TAOK1: variants seen among roughly 807,000 people sequenced by gnomAD.
TAOK1 encodes the protein serine/threonine-protein kinase TAO1.
A neutral mutation model predicts 138.3 loss-of-function variants in TAOK1; 21 were observed. That is an observed-to-expected ratio of 0.15 (90% CI 0.11 to 0.22). The LOEUF is 0.22. TAOK1 is among the 10% of genes least tolerant of loss of function. The pLI, the probability that TAOK1 is intolerant of heterozygous loss-of-function variation, is 1.00. For missense variants in TAOK1, 651 were observed against 1,227.7 expected (o/e 0.53, Z 7.02); for synonymous variants, 361 against 398.4 (o/e 0.91, Z 1.12).
chr17:29,438,226 T>C (rs1168515144), intron 1 of TAOK1, among the ~76,000 whole-genome samples: 1 of 152,238 alleles, frequency 6.6e-6, no homozygotes, highest in African/African-American at 2.4e-5. Flanking sequence ...GTTCCAATAT[T>C]ACTATTTGAA....
intron 10 of TAOK1, 80 bp from the exon 11 acceptor site, chr17:29,495,480 T>C: frequency 8.3e-7 from 1 of 1,198,848 alleles, no homozygotes. Context: ...TATCATAGGA[T>C]ATTATCTCTA....
intron 8 of TAOK1, among the ~76,000 whole-genome samples, chr17:29,486,205 C>T (rs940102528): frequency 6.6e-6 from 1 of 152,168 alleles, no homozygotes; most frequent in Non-Finnish European, 1.5e-5. Flanking sequence ...GAGAGGATCA[C>T]TTGAGCCCAG....
intron 2 of TAOK1, among the ~76,000 whole-genome samples, chr17:29,462,204 T>TA (rs2153025184): frequency 1.3e-5 from 2 of 152,310 alleles, no homozygotes; most frequent in African/African-American, 4.8e-5. Flanking sequence ...AATTAAAAAA[T>TA]ACTCAAATTG....
chr17:29,410,635 G>GTTTTTTTT (rs1207404073), intron 1 of TAOK1, among the ~76,000 whole-genome samples: 5 of 136,892 alleles, frequency 3.7e-5, no homozygotes, highest in Non-Finnish European at 6.3e-5. Flanking sequence ...TTTTTTTTTG[G>GTTTTTTTT]TTTTTTTTTT....
At position 29,549,921 on chromosome 17, in the gene TAOK1, A is replaced by C. The variant is rs2150783259; in HGVS notation, c.*6899A>C. On this transcript the variant is annotated 3_prime_UTR_variant, in exon 20 of 20. Transcript: ENST00000261716. The stretch of plus-strand genomic sequence containing the variant: ...TAAATGGGAATTGTGCCTACTTAGG[A>C]GTGCCCCTCCAATTAATTACATGTG... 6.6e-6 allele frequency: 1 copy of C among 152,232 alleles called. No individual in the cohort carries two copies. The highest frequency in any genetic ancestry group is 1.5e-5 in the Non-Finnish European group (1 of 68,002). 9.4% of individuals were successfully genotyped at this position (152,232 alleles called of 1,614,324 possible). A position where few individuals can be genotyped will look rare whatever the true frequency, so the allele number is the denominator to read the frequency against.
rs548989214 is a variant in TAOK1, at chr17:29,454,332, G to A, written c.132+2652G>A. 2.0e-5 allele frequency among the ~76,000 whole-genome samples: 3 copies of A among 152,224 alleles called. No homozygotes were observed. The South Asian group carries it at 6.2e-4, about 32-fold the overall frequency. On this transcript the variant is annotated intron_variant, in intron 2 of 19. Coordinates refer to ENST00000261716, the MANE Select transcript of TAOK1 (RefSeq NM_020791.4). Reference sequence around the variant, plus strand: ...TTTGATGACTGTAGCTTTGTGGTAAGTTTGAGATCAAGAGGTTTTATTCCT... The same window carrying A: ...TTTGATGACTGTAGCTTTGTGGTAAATTTGAGATCAAGAGGTTTTATTCCT...
intron 10 of TAOK1, 52 bp downstream of exon 10, chr17:29,491,917 CT>C: frequency 7.2e-7 from 1 of 1,393,560 alleles, no homozygotes; most frequent in Non-Finnish European, 1.0e-6. Context: ...CAAGGCCTCA[CT>C]TTGTCACCCA....
intron 14 of TAOK1, among the ~76,000 whole-genome samples, chr17:29,509,948 C>G (rs571878672): frequency 6.6e-6 from 1 of 150,676 alleles, no homozygotes; most frequent in South Asian, 2.2e-4. Context: ...AACTCCTGGG[C>G]TCAGGTGATC....
chr17:29,451,804 AAGAG>A, intron 2 of TAOK1, 124 bp downstream of exon 2: 2 of 1,174,882 alleles, frequency 1.7e-6, no homozygotes, highest in South Asian at 1.8e-5. Context: ...GCATAGGGGG[AAGAG>A]AGAGAGCGCG....
At chr17:29,530,288 C>T (rs1412748445) in intron 17 of TAOK1, 119 bp from the exon 18 acceptor site, 6 of 842,248 alleles carry the variant, frequency 7.1e-6, no homozygotes, top group Admixed American at 2.7e-5. Flanking sequence ...GATGATCTGA[C>T]CTGCTTGGCT....
At chr17:29,427,428 T>G (rs1289530437) in intron 1 of TAOK1, among the ~76,000 whole-genome samples, 2 of 147,764 alleles carry the variant, frequency 1.4e-5, no homozygotes, top group Non-Finnish European at 3.0e-5. Flanking sequence ...AACCCTGTCT[T>G]TACCAAAAAA....
rs2032407593 is a variant in TAOK1, at chr17:29,546,631, A to G, written c.*3609A>G. On this transcript the variant is annotated 3_prime_UTR_variant, in exon 20 of 20. Transcript: ENST00000261716. ...TAGTGGAAATAAATTGTATTATACC[A>G]TGATCTACTGGCTTTTTAAAACTGT... 1 of 152,126 alleles carries G rather than the reference A, an allele frequency of 6.6e-6. No homozygotes were observed. Among genetic ancestry groups the G allele is most frequent in the African/African-American group, 2.4e-5 (1 of 41,444 alleles). 9.4% of individuals were successfully genotyped at this position (152,126 alleles called of 1,614,324 possible). A position where few individuals can be genotyped will look rare whatever the true frequency, so the allele number is the denominator to read the frequency against.
At chr17:29,513,453 T>C (rs1256118541) in intron 15 of TAOK1, 1 of 152,256 alleles carries the variant, frequency 6.6e-6, no homozygotes, top group African/African-American at 2.4e-5. Context: ...AATCAGACTT[T>C]AGCTTTATGG....
chr17:29,511,298 C>T (rs1410939322), intron 15 of TAOK1: 3 of 154,254 alleles, frequency 1.9e-5, no homozygotes, highest in East Asian at 3.7e-4. Flanking sequence ...CAGTGGCGCG[C>T]TCTCGGCTCA....
At chr17:29,431,383 A>C (rs1905823095) in intron 1 of TAOK1, among the ~76,000 whole-genome samples, 1 of 152,096 alleles carries the variant, frequency 6.6e-6, no homozygotes, top group Non-Finnish European at 1.5e-5. Context: ...TCAAGGCTGC[A>C]GTGAGCTGTG....
chr17:29,447,995 C>T (rs1598485076), intron 1 of TAOK1, among the ~76,000 whole-genome samples: 2 of 129,142 alleles, frequency 1.5e-5, no homozygotes, highest in African/African-American at 5.8e-5. Context: ...TACAGATGTA[C>T]TTCCTGCTTT....
chr17:29,532,346 T>TTG (rs1332394495), intron 18 of TAOK1, among the ~76,000 whole-genome samples: 13 of 128,906 alleles, frequency 1.0e-4, no homozygotes, highest in Non-Finnish European at 2.2e-4. Context: ...TCTTTTTTGT[T>TTG]TGTTTGTGGT....
rs2031712069 is a variant in TAOK1 at position 29,511,092 on chromosome 17, T to C, written c.1704+100T>C. The C allele has an allele frequency of 6.8e-6, 8 of 1,183,930 alleles. No homozygotes were observed. The African/African-American group carries it at 9.3e-5, about 14-fold the overall frequency. 73.3% of individuals were successfully genotyped at this position (1,183,930 alleles called of 1,614,324 possible). On this transcript the variant is annotated intron_variant, in intron 15 of 19. Transcript: ENST00000261716. The stretch of plus-strand genomic sequence containing the variant: ...GCATTAGGATAAAATTATCTTTTGT[T>C]GTTTATGGTCACTAAATGGGTATTA...
intron 1 of TAOK1, among the ~76,000 whole-genome samples, chr17:29,395,824 A>ATTTTTTTTTTTTTTTTTTT (rs1187461666): frequency 4.2e-5 from 3 of 72,106 alleles, no homozygotes; most frequent in African/African-American, 1.9e-4. Flanking sequence ...CGTCTGGCTA[A>ATTTTTTTTTTTTTTTTTTT]TTTTTTTTTT....
Sources: allele counts gnomAD v4.1 joint callset (sites outside exome capture counted in the v4.1 genomes callset), GRCh38; gene constraint gnomAD v4.1.1; transcripts MANE v1.5; gene names NCBI Gene and HGNC (gene_info 2026-07-23, HGNC 2026-07-21).